Variants in CNTNAP2 observed in about 807,000 individuals in gnomAD.
The protein encoded by CNTNAP2 is contactin associated protein 2.
In CNTNAP2, 98 loss-of-function variants were observed where a neutral mutation model predicts 155.2. The observed-to-expected ratio is 0.63, with a 90% CI of 0.54 to 0.75. The LOEUF (loss-of-function observed/expected upper bound fraction) is 0.75, where lower values mean the gene tolerates loss of function less well. CNTNAP2 is among the 30% of genes least tolerant of loss of function. The pLI is 0.00. For missense variants in CNTNAP2, 1,727 were observed against 1,688.1 expected (o/e 1.02, Z -0.40); for synonymous variants, 651 against 631.2 (o/e 1.03, Z -0.47).
At chr7:147,550,859 T>C (rs1227215823) in intron 11 of CNTNAP2, among the ~76,000 whole-genome samples, 4 of 152,340 alleles carry the variant, frequency 2.6e-5, no homozygotes, top group African/African-American at 9.6e-5. Context: ...TATATGTACA[T>C]ATAGATATAG....
intron 1 of CNTNAP2, among the ~76,000 whole-genome samples, chr7:146,338,637 G>T (rs1417882533): frequency 6.6e-6 from 1 of 151,988 alleles, no homozygotes; most frequent in African/African-American, 2.4e-5. Flanking sequence ...CTCAACATTT[G>T]CTCAGCTGGT....
At chr7:146,317,136 A>G (rs1021834949) in intron 1 of CNTNAP2, among the ~76,000 whole-genome samples, 1 of 152,210 alleles carries the variant, frequency 6.6e-6, no homozygotes, top group African/African-American at 2.4e-5. Context: ...ATATCTGATT[A>G]TCATGTTTGA....
chr7:147,535,315 C>A (rs1162029863), intron 11 of CNTNAP2, among the ~76,000 whole-genome samples: 2 of 152,086 alleles, frequency 1.3e-5, no homozygotes, highest in Non-Finnish European at 2.9e-5. Flanking sequence ...TTGCTTGAAC[C>A]CAGGAGGCGG....
intron 10 of CNTNAP2, among the ~76,000 whole-genome samples, chr7:147,417,159 A>T (rs1797207674): frequency 1.3e-5 from 2 of 152,032 alleles, no homozygotes; most frequent in East Asian, 1.9e-4. Context: ...TGACTGTATC[A>T]TCTCAACCAC....
At chr7:147,277,288 G>T (rs564442059) in intron 8 of CNTNAP2, among the ~76,000 whole-genome samples, 1 of 152,040 alleles carries the variant, frequency 6.6e-6, no homozygotes, top group South Asian at 2.1e-4. Context: ...CATTTACGTA[G>T]TCATAGCAGG....
chr7:147,650,207 T>C (rs879389821), intron 13 of CNTNAP2, among the ~76,000 whole-genome samples: 2 of 152,126 alleles, frequency 1.3e-5, no homozygotes, highest in Admixed American at 6.5e-5. Context: ...CTAAACAAGA[T>C]ACTGAAAAAA....
chr7:147,692,181 G>T (rs1796096657), intron 13 of CNTNAP2, among the ~76,000 whole-genome samples: 1 of 152,002 alleles, frequency 6.6e-6, no homozygotes, highest in South Asian at 2.1e-4. Flanking sequence ...GTCTTTTCAA[G>T]GCTCAATATC....
chr7:146,304,636 T>A (rs1309125532), intron 1 of CNTNAP2, among the ~76,000 whole-genome samples: 1 of 152,156 alleles, frequency 6.6e-6, no homozygotes, highest in East Asian at 1.9e-4. Flanking sequence ...TGTCAAGAGA[T>A]CTGCTGTTAG....
At chr7:147,724,618 A>T (rs1796616840) in intron 13 of CNTNAP2, among the ~76,000 whole-genome samples, 1 of 152,052 alleles carries the variant, frequency 6.6e-6, no homozygotes, top group Non-Finnish European at 1.5e-5. Flanking sequence ...AAGCTACAGT[A>T]GGAATGCTCT....
chr7:147,644,433 C>T (rs1291870363), intron 13 of CNTNAP2, among the ~76,000 whole-genome samples: 1 of 152,046 alleles, frequency 6.6e-6, no homozygotes, highest in Non-Finnish European at 1.5e-5. Flanking sequence ...CCAGCCTGGC[C>T]AACATGGTGA....
chr7:146,816,153 G>A (rs1337437789), intron 2 of CNTNAP2, among the ~76,000 whole-genome samples: 1 of 152,052 alleles, frequency 6.6e-6, no homozygotes, highest in Non-Finnish European at 1.5e-5. Flanking sequence ...TCTTAATCCA[G>A]TCTATCATTG....
intron 3 of CNTNAP2, among the ~76,000 whole-genome samples, chr7:146,895,444 A>G (rs1460176888): frequency 6.6e-6 from 1 of 152,096 alleles, no homozygotes; most frequent in Non-Finnish European, 1.5e-5. Flanking sequence ...ACAGTTACAA[A>G]TAATGGATTA....
In CNTNAP2 at chr7:146,437,578, G is replaced by A. The variant is rs114041556; in HGVS notation, c.97+320605G>A. Among the ~76,000 whole-genome samples, 642 of 151,444 alleles carry A rather than the reference G, an allele frequency of 4.2e-3. 44 individuals are homozygous for A. The highest frequency in any genetic ancestry group is 0.015 in the African/African-American group (607 of 40,848). ...TGCTCAAAAATCCTTCTCATGAAAC[G>A]TAAGCTTATTTAAACCAGTATTTCT... On this transcript the variant is annotated intron_variant, in intron 1 of 23. Coordinates refer to ENST00000361727, the MANE Select transcript of CNTNAP2 (RefSeq NM_014141.6).
intron 13 of CNTNAP2, among the ~76,000 whole-genome samples, chr7:147,664,087 G>T (rs541857976): frequency 3.9e-4 from 60 of 152,288 alleles, no homozygotes; most frequent in African/African-American, 1.3e-3. Context: ...GCATTATTTT[G>T]TTATGGCTTC....
chr7:147,019,428 C>A (rs1210302158), intron 3 of CNTNAP2, among the ~76,000 whole-genome samples: 1 of 151,776 alleles, frequency 6.6e-6, no homozygotes, highest in African/African-American at 2.4e-5. Flanking sequence ...CCCAAAAAAG[C>A]AAAAATAAAC....
intron 1 of CNTNAP2, among the ~76,000 whole-genome samples, chr7:146,501,502 G>T (rs975246800): frequency 1.3e-5 from 2 of 151,998 alleles, no homozygotes; most frequent in African/African-American, 2.4e-5. Context: ...TGTAGGCATA[G>T]AATTGTTTAT....
At chr7:148,092,904 C>T (rs1323185276) in intron 15 of CNTNAP2, among the ~76,000 whole-genome samples, 1 of 147,512 alleles carries the variant, frequency 6.8e-6, no homozygotes, top group Non-Finnish European at 1.5e-5. Context: ...AAAAAACAAC[C>T]ACAAAGCTTT....
intron 10 of CNTNAP2, among the ~76,000 whole-genome samples, chr7:147,451,767 A>C (rs1312802696): frequency 1.4e-5 from 2 of 143,372 alleles, no homozygotes; most frequent in Non-Finnish European, 3.1e-5. Context: ...GTTTCTTCCA[A>C]AAAAAAAAAA....
At chr7:146,759,895 C>G (rs1482054452) in intron 1 of CNTNAP2, among the ~76,000 whole-genome samples, 3 of 152,018 alleles carry the variant, frequency 2.0e-5, no homozygotes, top group African/African-American at 7.2e-5. Flanking sequence ...CAAAGTATCA[C>G]AGTAAGAGAA....
Sources: gnomAD v4.1 joint callset for allele counts (sites outside exome capture counted in the v4.1 genomes callset) on GRCh38, gnomAD v4.1.1 for gene constraint, MANE v1.5 for transcripts, NCBI Gene and HGNC (gene_info 2026-07-23, HGNC 2026-07-21) for gene names.